Variants in ANAPC10 observed in about 807,000 individuals in gnomAD.
The protein encoded by ANAPC10 is anaphase-promoting complex subunit 10.
A neutral mutation model predicts 22.0 loss-of-function variants in ANAPC10; 12 were observed. The ratio of observed to expected loss-of-function variants is 0.55; its 90% CI spans 0.35 to 0.88. The LOEUF (loss-of-function observed/expected upper bound fraction) is 0.88. Ranked by LOEUF, ANAPC10 falls within the 40% of genes least tolerant of loss-of-function variation. The pLI, the probability that ANAPC10 is intolerant of heterozygous loss-of-function variation, is 0.01. For synonymous variants in ANAPC10, 65 were observed against 69.5 expected (o/e 0.94, Z 0.32); for missense variants, 188 against 220.9 (o/e 0.85, Z 0.94).
At chr4:145,080,146 T>G (rs1335637753) in intron 3 of ANAPC10, among the ~76,000 whole-genome samples, 1 of 144,256 alleles carries the variant, frequency 6.9e-6, no homozygotes, top group Non-Finnish European at 1.5e-5. Context: ...AAACACACAT[T>G]GAATACACAC....
intron 4 of ANAPC10, among the ~76,000 whole-genome samples, chr4:145,032,592 C>G (rs1040886713): frequency 3.9e-5 from 6 of 152,202 alleles, no homozygotes; most frequent in Non-Finnish European, 5.9e-5. Flanking sequence ...TCCCCAGCCA[C>G]CACTGTCATC....
chr4:145,030,001 AGG>A (rs1560844929), intron 4 of ANAPC10, among the ~76,000 whole-genome samples: 14 of 152,208 alleles, frequency 9.2e-5, no homozygotes, highest in African/African-American at 3.1e-4. Context: ...CCAAGGTGGC[AGG>A]CGCTAAGTGG....
chr4:145,098,403 G>A (rs1200093662), upstream of ANAPC10: 3 of 152,374 alleles, frequency 2.0e-5, no homozygotes, highest in African/African-American at 7.2e-5. Flanking sequence ...CCTCCGCAAG[G>A]GGATCGTTTT....
At chr4:145,052,694 G>C (rs1579044667) in intron 4 of ANAPC10, among the ~76,000 whole-genome samples, 1 of 152,140 alleles carries the variant, frequency 6.6e-6, no homozygotes, top group East Asian at 1.9e-4. Context: ...ATGGTCCGGA[G>C]ATTGAGACCA....
At chr4:144,998,730 AT>A (rs1732024236) in intron 4 of ANAPC10, among the ~76,000 whole-genome samples, 3 of 152,194 alleles carry the variant, frequency 2.0e-5, no homozygotes, top group South Asian at 4.1e-4. Flanking sequence ...GAGCAAACAC[AT>A]TCAAAAGCCA....
intron 3 of ANAPC10, among the ~76,000 whole-genome samples, chr4:145,073,059 AT>A (rs982226117): frequency 2.0e-5 from 3 of 152,020 alleles, no homozygotes; most frequent in African/African-American, 7.3e-5. Context: ...CACCCAGGTA[AT>A]TTTTTAAGTT....
chr4:145,095,686 G>A (rs572178457), intron 2 of ANAPC10, among the ~76,000 whole-genome samples: 5 of 152,060 alleles, frequency 3.3e-5, no homozygotes, highest in East Asian at 1.9e-4. Context: ...TTTTGAGAGC[G>A]AGAGAGACCA....
intron 4 of ANAPC10, among the ~76,000 whole-genome samples, chr4:145,047,388 G>A (rs2127175456): frequency 6.6e-6 from 1 of 152,198 alleles, no homozygotes; most frequent in South Asian, 2.1e-4. Flanking sequence ...GTTCAATGGC[G>A]AGTACAATAT....
intron 4 of ANAPC10, among the ~76,000 whole-genome samples, chr4:145,000,411 A>G (rs1732342239): frequency 6.6e-6 from 1 of 152,252 alleles, no homozygotes; most frequent in Non-Finnish European, 1.5e-5. Context: ...ACACTTCTCA[A>G]AAGAAGACAT....
chr4:145,086,786 A>T (rs1033006354), intron 2 of ANAPC10, among the ~76,000 whole-genome samples: 38 of 142,382 alleles, frequency 2.7e-4, no homozygotes, highest in African/African-American at 1.0e-3. Flanking sequence ...TCATGTCCCC[A>T]GTAATCACAA....
rs116144884 is a variant in ANAPC10, at chr4:145,043,785, T to A, written c.327+20787A>T. Reference sequence around the variant, plus strand: ...TGAAGGCTGATATCTGCTGCATAATTTCCCATAGATTAACTGGAGGATCCA... The same window carrying A: ...TGAAGGCTGATATCTGCTGCATAATATCCCATAGATTAACTGGAGGATCCA... On this transcript the variant is annotated intron_variant, in intron 4 of 4. Transcript: ENST00000507656. Among the ~76,000 whole-genome samples the A allele has an allele frequency of 4.3e-3, 653 of 152,238 alleles. 7 individuals carry two copies. The highest frequency in any genetic ancestry group is 0.015 in the African/African-American group (618 of 41,548).
chr4:145,037,529 C>T (rs1162623578), intron 4 of ANAPC10, among the ~76,000 whole-genome samples: 1 of 152,050 alleles, frequency 6.6e-6, no homozygotes, highest in African/African-American at 2.4e-5. Flanking sequence ...TGATATCATG[C>T]CACTGGATTA....
intron 4 of ANAPC10, among the ~76,000 whole-genome samples, chr4:145,018,121 A>AT (rs1408924653): frequency 8.3e-4 from 110 of 133,090 alleles, no homozygotes; most frequent in East Asian, 2.2e-3. Context: ...GTATAATAAA[A>AT]AAAATATATA....
intron 2 of ANAPC10, among the ~76,000 whole-genome samples, chr4:145,082,174 A>G (rs1399418531): frequency 6.6e-6 from 1 of 152,162 alleles, no homozygotes; most frequent in African/African-American, 2.4e-5. Context: ...TTTGAGACAG[A>G]GTTTCACTCT....
chr4:145,064,731 T>C (rs1264271544), intron 3 of ANAPC10, 39 bp from the exon 4 acceptor site: 1 of 1,454,030 alleles, frequency 6.9e-7, no homozygotes, highest in South Asian at 1.5e-5. Flanking sequence ...CACTTCATCA[T>C]ATGAAAAGAT....
At chr4:145,061,639 T>C (rs1742906393) in intron 4 of ANAPC10, among the ~76,000 whole-genome samples, 2 of 152,198 alleles carry the variant, frequency 1.3e-5, no homozygotes, top group Admixed American at 6.5e-5. Flanking sequence ...AAATCTTTAG[T>C]TATAAATCAA....
chr4:145,046,972 GAA>G (rs1424054048), intron 4 of ANAPC10, among the ~76,000 whole-genome samples: 1 of 152,096 alleles, frequency 6.6e-6, no homozygotes, highest in Non-Finnish European at 1.5e-5. Context: ...AGCTAACAGA[GAA>G]AAGTAGTATG....
chr4:145,016,837 G>T (rs1214588465), intron 4 of ANAPC10, among the ~76,000 whole-genome samples: 1 of 152,036 alleles, frequency 6.6e-6, no homozygotes, highest in African/African-American at 2.4e-5. Flanking sequence ...ACCATCTGAT[G>T]TTTGACAAAC....
chr4:145,094,221 T>C (rs1579184398), intron 2 of ANAPC10, among the ~76,000 whole-genome samples: 1 of 152,284 alleles, frequency 6.6e-6, no homozygotes. Flanking sequence ...TGAATTATGC[T>C]AAATGAAAGA....
Sources: gnomAD v4.1 joint callset for allele counts (sites outside exome capture counted in the v4.1 genomes callset) on GRCh38, gnomAD v4.1.1 for gene constraint, MANE v1.5 for transcripts, NCBI Gene and HGNC (gene_info 2026-07-23, HGNC 2026-07-21) for gene names.